RAPGEF5: variants seen among roughly 807,000 people sequenced by gnomAD.
The protein encoded by RAPGEF5 is Rap guanine nucleotide exchange factor 5.
A neutral mutation model predicts 125.2 loss-of-function variants in RAPGEF5; 65 were observed. The ratio of observed to expected loss-of-function variants is 0.52; its 90% CI spans 0.43 to 0.64. The LOEUF is 0.64. Ranked by LOEUF, RAPGEF5 falls within the 30% of genes least tolerant of loss-of-function variation. RAPGEF5 has a pLI of 0.00. For synonymous variants in RAPGEF5, 391 were observed against 385.9 expected, an observed-to-expected ratio of 1.01 and a Z score of -0.16; for missense variants, 958 against 1,048.1, an observed-to-expected ratio of 0.91 and a Z score of 1.19.
At chr7:22,299,674 T>C (rs1045231343) in intron 5 of RAPGEF5, among the ~76,000 whole-genome samples, 1 of 152,192 alleles carries the variant, frequency 6.6e-6, no homozygotes, top group Admixed American at 6.5e-5. Flanking sequence ...AACAGTCAGC[T>C]AGCAAAAAAT....
chr7:22,252,312 C>T (rs1363182413), intron 7 of RAPGEF5, among the ~76,000 whole-genome samples: 1 of 152,168 alleles, frequency 6.6e-6, no homozygotes, highest in Non-Finnish European at 1.5e-5. Flanking sequence ...GGATCAAATT[C>T]CCTACAATAG....
At chr7:22,350,573 C>T (rs746513949) in intron 1 of RAPGEF5, among the ~76,000 whole-genome samples, 1 of 152,138 alleles carries the variant, frequency 6.6e-6, no homozygotes, top group Non-Finnish European at 1.5e-5. Flanking sequence ...GCTCAGAATG[C>T]TCAGAGAATA....
chr7:22,351,855 A>T (rs1784336599), intron 1 of RAPGEF5, among the ~76,000 whole-genome samples: 1 of 152,114 alleles, frequency 6.6e-6, no homozygotes, highest in African/African-American at 2.4e-5. Context: ...GAGCTAAAGC[A>T]CTCCAGCTTG....
chr7:22,335,172 T>A (rs1482243927), intron 1 of RAPGEF5, among the ~76,000 whole-genome samples: 2 of 152,166 alleles, frequency 1.3e-5, no homozygotes, highest in Non-Finnish European at 2.9e-5. Context: ...TACCTTACAA[T>A]CAAGAGCACT....
intron 17 of RAPGEF5, among the ~76,000 whole-genome samples, chr7:22,153,814 T>C (rs551346162): frequency 1.3e-5 from 2 of 152,310 alleles, no homozygotes; most frequent in South Asian, 2.1e-4. Flanking sequence ...GCCAGCAACA[T>C]TGAGATCTGA....
intron 7 of RAPGEF5, among the ~76,000 whole-genome samples, chr7:22,237,628 C>T (rs903704750): frequency 1.1e-4 from 17 of 152,046 alleles, no homozygotes; most frequent in African/African-American, 3.6e-4. Flanking sequence ...TATATTAGCC[C>T]CTAGTTTTAG....
chr7:22,212,953 C>A (rs78215049), intron 9 of RAPGEF5, among the ~76,000 whole-genome samples: 11,746 of 152,110 alleles, frequency 0.077, 516 homozygotes, highest in Middle Eastern at 0.14. Flanking sequence ...TTTAATTTTA[C>A]AAGAATAAGA....
chr7:22,129,262 G>A (rs1562703217), intron 24 of RAPGEF5, among the ~76,000 whole-genome samples: 3 of 152,188 alleles, frequency 2.0e-5, no homozygotes, highest in Admixed American at 6.5e-5. Context: ...TCAACCTCAC[G>A]TCTGCCCTCA....
At chr7:22,280,882 G>C (rs1562505696) in intron 6 of RAPGEF5, among the ~76,000 whole-genome samples, 2 of 152,268 alleles carry the variant, frequency 1.3e-5, no homozygotes, top group East Asian at 3.9e-4. Flanking sequence ...ATCTAGGTGA[G>C]GAAGCAGTGC....
rs1783736247 is a variant in RAPGEF5, at chr7:22,154,510, T to C, written c.1731A>G (p.Glu577=). The C allele has an allele frequency of 1.2e-6, 2 of 1,613,924 alleles. No individual in the cohort carries two copies. The highest frequency in any genetic ancestry group is 2.2e-5 in the East Asian group (1 of 44,890). Residue 577 remains glutamate (E), a synonymous_variant, in exon 17 of 26, where the codon GAA becomes GAG. Coordinates refer to ENST00000665637, the MANE Select transcript of RAPGEF5 (RefSeq NM_012294.5). ...GATCCTCTTCTGCATACTGGATCTT[T>C]TCTGCCACGACTTTTAGGATCTCTT... The part of the protein sequence containing the change: ...IAQEILKVVA[E]KIQYAEEDLA...
chr7:22,260,292 A>G (rs554807275), intron 7 of RAPGEF5, among the ~76,000 whole-genome samples: 1 of 152,176 alleles, frequency 6.6e-6, no homozygotes, highest in Non-Finnish European at 1.5e-5. Flanking sequence ...TGATAACCAC[A>G]TGTCAATGGA....
In RAPGEF5 at chr7:22,196,563, C is replaced by T. The variant is rs576439317; in HGVS notation, c.997-2530G>A. On this transcript the variant is annotated intron_variant, in intron 9 of 25. Transcript: ENST00000665637. ...AGTGAGGCAAGTACCCTGCTCTTAA[C>T]TGACAAGTTAATAGGCTCCATGACA... Among the ~76,000 whole-genome samples the T allele has an allele frequency of 8.5e-5, 13 of 152,314 alleles. 2 individuals carry two copies. The highest frequency in any genetic ancestry group is 3.1e-4 in the African/African-American group (13 of 41,576).
At chr7:22,150,338 G>C in intron 18 of RAPGEF5, 69 bp downstream of exon 18, 1 of 1,489,088 alleles carries the variant, frequency 6.7e-7, no homozygotes, top group South Asian at 1.3e-5. Flanking sequence ...CTCCCAAAGT[G>C]CTCAGATTAC....
intron 7 of RAPGEF5, among the ~76,000 whole-genome samples, chr7:22,249,116 T>G (rs1786552808): frequency 6.6e-6 from 1 of 152,232 alleles, no homozygotes; most frequent in African/African-American, 2.4e-5. Flanking sequence ...CCTTGGGACC[T>G]GCACACAGTT....
Position 22,193,997 on chromosome 7 carries a change from G to C in RAPGEF5, c.1033C>G (p.Gln345Glu). 1.2e-6 allele frequency: 2 copies of C among 1,613,938 alleles called. No homozygotes were observed. The highest frequency in any genetic ancestry group is 1.6e-4 in the Middle Eastern group (1 of 6,062). The stretch of plus-strand genomic sequence containing the variant: ...TTCAGCACCAGGACGCTCTGGTCTT[G>C]CTCTTTAACCTGAACAGTCGTCACT... ...DEVTTVQVKE[Q>E]DQSVLVLKKV... The change falls in exon 10 of 26, where the codon CAA becomes GAA. Residue 345 changes from glutamine to glutamate, a missense_variant. By Grantham distance (29) the Gln-to-Glu change is conservative. Transcript: ENST00000665637.
At chr7:22,329,576 A>G (rs1232800460) in intron 1 of RAPGEF5, among the ~76,000 whole-genome samples, 1 of 152,242 alleles carries the variant, frequency 6.6e-6, no homozygotes, top group Non-Finnish European at 1.5e-5. Context: ...AGAGAAAAAT[A>G]AAAATAAGTA....
At chr7:22,212,501 A>T (rs372260066) in intron 9 of RAPGEF5, among the ~76,000 whole-genome samples, 181 of 152,328 alleles carry the variant, frequency 1.2e-3, no homozygotes, top group Middle Eastern at 0.01. Context: ...GAGGTCAGAG[A>T]TGTATCAGGG....
intron 1 of RAPGEF5, among the ~76,000 whole-genome samples, chr7:22,353,888 A>AC (rs929294647): frequency 2.0e-5 from 3 of 150,266 alleles, no homozygotes; most frequent in African/African-American, 7.3e-5. Context: ...ACGTAGTGAG[A>AC]CCCCCAGTCT....
intron 5 of RAPGEF5, among the ~76,000 whole-genome samples, chr7:22,296,310 C>T (rs1000158864): frequency 8.5e-5 from 13 of 152,082 alleles, no homozygotes; most frequent in African/African-American, 3.1e-4. Context: ...GTTTTTTACT[C>T]ACAGTTCCCA....
Sources: allele counts gnomAD v4.1 joint callset (sites outside exome capture counted in the v4.1 genomes callset), GRCh38; gene constraint gnomAD v4.1.1; transcripts MANE v1.5; gene names NCBI Gene and HGNC (gene_info 2026-07-23, HGNC 2026-07-21).